TLK1: variants seen among roughly 807,000 people sequenced by gnomAD.
TLK1 encodes tousled like kinase 1, also known as serine/threonine-protein kinase tousled-like 1.
TLK1 carries 24 observed loss-of-function variants against 105.3 expected under a neutral mutation model. That is an observed-to-expected ratio of 0.23 (90% CI 0.17 to 0.32). TLK1 has a LOEUF of 0.32. Ranked by LOEUF, TLK1 falls within the 10% of genes least tolerant of loss-of-function variation. The probability of loss-of-function intolerance (pLI) is 1.00; values close to 1 mark genes in which losing one functional copy is unlikely to be tolerated. For synonymous variants in TLK1, 321 were observed against 310.4 expected (o/e 1.03, Z -0.36); for missense variants, 558 against 910.5 (o/e 0.61, Z 4.98).
intron 1 of TLK1, among the ~76,000 whole-genome samples, chr2:171,127,045 G>GTAC (rs1017680813): frequency 6.6e-6 from 1 of 151,988 alleles, no homozygotes; most frequent in Non-Finnish European, 1.5e-5. Context: ...GGAGGCTGAG[G>GTAC]TGAGTGGATC....
intron 1 of TLK1, among the ~76,000 whole-genome samples, chr2:171,229,439 A>C (rs1200136687): frequency 2.0e-5 from 3 of 152,206 alleles, no homozygotes; most frequent in Non-Finnish European, 4.4e-5. Context: ...TGGGCCTCAG[A>C]GAATCCAACT....
At chr2:171,058,259 A>G in intron 4 of TLK1, 62 bp from the exon 5 acceptor site, 1 of 1,420,648 alleles carries the variant, frequency 7.0e-7, no homozygotes, top group Non-Finnish European at 9.9e-7. Context: ...AAATATTAAG[A>G]GTCCGCAGGA....
intron 1 of TLK1, among the ~76,000 whole-genome samples, chr2:171,138,192 A>ACAGT (rs1408121190): frequency 1.3e-5 from 2 of 152,230 alleles, no homozygotes; most frequent in Admixed American, 1.3e-4. Context: ...TATATCAAGA[A>ACAGT]GTTTTAGACA....
chr2:171,188,275 T>G (rs1206547647), intron 1 of TLK1, among the ~76,000 whole-genome samples: 1 of 152,168 alleles, frequency 6.6e-6, no homozygotes, highest in Non-Finnish European at 1.5e-5. Context: ...ATATGGGCAT[T>G]GAGACCTAAG....
intron 3 of TLK1, among the ~76,000 whole-genome samples, chr2:171,067,313 C>T (rs1258891901): frequency 1.6e-5 from 2 of 124,426 alleles, no homozygotes; most frequent in African/African-American, 2.6e-5. Flanking sequence ...GCACCCGCCA[C>T]CACACCCAGC....
At chr2:171,141,195 G>A (rs974305710) in intron 1 of TLK1, among the ~76,000 whole-genome samples, 1 of 152,188 alleles carries the variant, frequency 6.6e-6, no homozygotes. Flanking sequence ...ACTATCCGAA[G>A]TGATATAGTC....
intron 1 of TLK1, among the ~76,000 whole-genome samples, chr2:171,131,002 T>C (rs1691083433): frequency 7.0e-6 from 1 of 143,000 alleles, no homozygotes; most frequent in Non-Finnish European, 1.6e-5. Context: ...CTAATAATAA[T>C]TTCTTTTATC....
intron 3 of TLK1, among the ~76,000 whole-genome samples, chr2:171,075,329 T>C (rs957682505): frequency 1.3e-5 from 2 of 151,974 alleles, no homozygotes; most frequent in African/African-American, 2.4e-5. Context: ...AACTCGAAAA[T>C]CCCAAAATAT....
intron 1 of TLK1, among the ~76,000 whole-genome samples, chr2:171,216,575 A>T (rs1693718180): frequency 6.6e-6 from 1 of 152,222 alleles, no homozygotes. Context: ...TGACAAGTAG[A>T]AACTATTATG....
Position 170,996,657 on chromosome 2 carries a change from G to A in TLK1, c.2120C>T (p.Ala707Val). Residue 707 changes from alanine to valine, a missense_variant, in exon 20 of 21, where the codon GCC becomes GTC. This residue lies in a region of TLK1 where 218 missense variants were observed against 492.9 expected (regional missense o/e 0.44). Coordinates refer to ENST00000431350, the MANE Select transcript of TLK1 (RefSeq NM_012290.5). ...FPVKPVVSSE[A>V]KAFIRRCLAY... ...TCATTTACAAAAATTTAATACCTTG[G>A]CTTCACTGCTTACAACCGGTTTTAC... 2 of 1,607,424 alleles carry A rather than the reference G, an allele frequency of 1.2e-6. No individual in the cohort carries two copies. Among genetic ancestry groups the A allele is most frequent in the Non-Finnish European group, 1.7e-6 (2 of 1,178,050 alleles).
chr2:171,133,546 C>T (rs542456741), intron 1 of TLK1, among the ~76,000 whole-genome samples: 36 of 152,248 alleles, frequency 2.4e-4, no homozygotes, highest in African/African-American at 6.0e-4. Context: ...TTGCAGTGAG[C>T]TGAAACTCTA....
At chr2:171,195,916 T>G (rs1167294439) in intron 1 of TLK1, among the ~76,000 whole-genome samples, 1 of 151,932 alleles carries the variant, frequency 6.6e-6, no homozygotes, top group Non-Finnish European at 1.5e-5. Flanking sequence ...TCCCAGCTAC[T>G]TGGGAGGCTG....
At chr2:171,145,392 C>T (rs573872448) in intron 1 of TLK1, among the ~76,000 whole-genome samples, 3 of 152,024 alleles carry the variant, frequency 2.0e-5, no homozygotes, top group African/African-American at 4.8e-5. Flanking sequence ...GAGTTCGAGG[C>T]CAGCCTGGTC....
At chr2:171,171,151 G>C (rs563003006) in intron 1 of TLK1, among the ~76,000 whole-genome samples, 84 of 152,262 alleles carry the variant, frequency 5.5e-4, no homozygotes, top group African/African-American at 1.8e-3. Context: ...GGATATTTTT[G>C]ATAGGTTAAA....
intron 6 of TLK1, among the ~76,000 whole-genome samples, chr2:171,056,008 A>T (rs1687484692): frequency 6.6e-6 from 1 of 152,078 alleles, no homozygotes; most frequent in South Asian, 2.1e-4. Context: ...AAAACCAAAA[A>T]GTTTAAGATA....
intron 13 of TLK1, among the ~76,000 whole-genome samples, chr2:171,011,856 T>C (rs1336078201): frequency 6.6e-6 from 1 of 152,170 alleles, no homozygotes; most frequent in African/African-American, 2.4e-5. Flanking sequence ...TTAAACATAA[T>C]TATAAACTGG....
intron 3 of TLK1, among the ~76,000 whole-genome samples, chr2:171,068,815 T>C (rs1393079882): frequency 6.6e-6 from 1 of 152,184 alleles, no homozygotes; most frequent in Non-Finnish European, 1.5e-5. Context: ...TTATTACATA[T>C]AGCAGAAAAC....
chr2:171,159,269 G>A (rs1692355873), intron 1 of TLK1, among the ~76,000 whole-genome samples: 2 of 152,214 alleles, frequency 1.3e-5, no homozygotes, highest in African/African-American at 4.8e-5. Context: ...AATTGCGGAT[G>A]AATACCGCTA....
intron 3 of TLK1, among the ~76,000 whole-genome samples, chr2:171,074,111 G>A (rs1037854833): frequency 2.0e-5 from 3 of 151,952 alleles, no homozygotes; most frequent in African/African-American, 2.4e-5. Flanking sequence ...GGCTGGTCTC[G>A]AACTCCTGAC....
Sources: gnomAD v4.1 joint callset for allele counts (sites outside exome capture counted in the v4.1 genomes callset) on GRCh38, gnomAD v4.1.1 for gene constraint, gnomAD v4.1.1 regional missense constraint, MANE v1.5 for transcripts, NCBI Gene and HGNC (gene_info 2026-07-23, HGNC 2026-07-21) for gene names.